The following RGS6 variants were observed in gnomAD, a reference collection of about 807,000 sequenced individuals.
RGS6 encodes the protein regulator of G protein signaling 6, also known as regulator of G-protein signaling 6.
Under a neutral mutation model 78.5 loss-of-function variants are expected in RGS6, and 30 were observed. That is an observed-to-expected ratio of 0.38 (90% CI 0.29 to 0.52). The LOEUF (loss-of-function observed/expected upper bound fraction) is 0.52. Ranked by LOEUF, RGS6 falls within the 20% of genes least tolerant of loss-of-function variation. The pLI is 0.85. For synonymous variants in RGS6, 206 were observed against 206.0 expected (o/e 1.00, Z 0.00); for missense variants, 495 against 609.7 (o/e 0.81, Z 1.98).
intron 15 of RGS6, among the ~76,000 whole-genome samples, chr14:72,528,217 T>C (rs1339456503): frequency 1.3e-5 from 2 of 152,228 alleles, no homozygotes; most frequent in Non-Finnish European, 2.9e-5. Context: ...ATATTGATTT[T>C]CAGCAGGTGT....
At chr14:72,331,590 C>T (rs1325085480) in intron 2 of RGS6, among the ~76,000 whole-genome samples, 1 of 152,230 alleles carries the variant, frequency 6.6e-6, no homozygotes, top group East Asian at 1.9e-4. Context: ...AGTTCCATAG[C>T]CCGTGGGTAC....
intron 2 of RGS6, among the ~76,000 whole-genome samples, chr14:72,042,395 C>T (rs1026958859): frequency 1.3e-5 from 2 of 152,094 alleles, no homozygotes; most frequent in African/African-American, 2.4e-5. Flanking sequence ...TCACAAAGTG[C>T]TGGGATTATG....
At chr14:71,980,275 T>G (rs1313378681) in intron 2 of RGS6, among the ~76,000 whole-genome samples, 19 of 109,558 alleles carry the variant, frequency 1.7e-4, no homozygotes, top group Non-Finnish European at 3.0e-4. Context: ...AAAGTTAATA[T>G]TGTTATGTGT....
At chr14:72,168,656 A>G (rs925631957) in intron 2 of RGS6, among the ~76,000 whole-genome samples, 9 of 152,226 alleles carry the variant, frequency 5.9e-5, no homozygotes, top group African/African-American at 2.2e-4. Flanking sequence ...TTTCTAATAT[A>G]GCTACTAACA....
intron 2 of RGS6, among the ~76,000 whole-genome samples, chr14:72,313,028 A>G (rs2069041090): frequency 6.6e-6 from 1 of 152,196 alleles, no homozygotes. Flanking sequence ...TGCAGTGGGA[A>G]TGACCTTGGA....
chr14:72,331,859 C>T (rs989791014), intron 2 of RGS6, among the ~76,000 whole-genome samples: 5 of 152,164 alleles, frequency 3.3e-5, no homozygotes, highest in African/African-American at 1.2e-4. Flanking sequence ...GCTTCTTTTA[C>T]AGTTCATGTC....
chr14:72,461,638 G>A (rs981678235), intron 6 of RGS6, among the ~76,000 whole-genome samples: 1 of 152,114 alleles, frequency 6.6e-6, no homozygotes, highest in African/African-American at 2.4e-5. Context: ...GCTGCAGTGA[G>A]CTATGATTGT....
chr14:71,897,005 G>C, the RGS6 span, among the ~76,000 whole-genome samples: 1 of 152,146 alleles, frequency 6.6e-6, no homozygotes, highest in Non-Finnish European at 1.5e-5. Flanking sequence ...CTCAGCACCT[G>C]TTCTTCTCCC....
intron 1 of RGS6, among the ~76,000 whole-genome samples, chr14:71,954,619 G>C (rs1595160454): frequency 6.6e-6 from 1 of 152,080 alleles, no homozygotes; most frequent in Non-Finnish European, 1.5e-5. Flanking sequence ...ATGTACAATT[G>C]AGTTGTTGTT....
At chr14:72,055,555 A>G (rs528867958) in intron 2 of RGS6, among the ~76,000 whole-genome samples, 39 of 152,160 alleles carry the variant, frequency 2.6e-4, no homozygotes, top group Non-Finnish European at 4.0e-4. Context: ...GCCTCTGCAC[A>G]GTGGAATCCC....
At chr14:72,149,771 G>T (rs1445441200) in intron 2 of RGS6, among the ~76,000 whole-genome samples, 1 of 152,064 alleles carries the variant, frequency 6.6e-6, no homozygotes, top group African/African-American at 2.4e-5. Flanking sequence ...TACAGATTTG[G>T]GGTCATATAT....
intron 2 of RGS6, among the ~76,000 whole-genome samples, chr14:72,056,183 C>A (rs931204375): frequency 4.6e-5 from 7 of 152,140 alleles, no homozygotes; most frequent in Non-Finnish European, 8.8e-5. Flanking sequence ...TTCTCATTTA[C>A]AGATGGGGGG....
Position 72,498,452 on chromosome 14 carries a change from C to T in RGS6, c.965+3190C>T, listed in dbSNP as rs77364799. Among the ~76,000 whole-genome samples, 975 of 152,306 alleles carry T rather than the reference C, an allele frequency of 6.4e-3. 13 individuals carry two copies. The highest frequency in any genetic ancestry group is 0.021 in the South Asian group (100 of 4,824). ...GGTCTTAGCTTTCAATCCTGCCATA[C>T]ATTAGAACCACCTGGAAGTTTCTAA... is the stretch of plus-strand genomic sequence containing the variant. On this transcript the variant is annotated intron_variant, in intron 13 of 17. Transcript: ENST00000553525.
In RGS6 at chr14:71,980,556, A is replaced by G. The variant is rs1336555648; in HGVS notation, c.84+15681A>G. On this transcript the variant is annotated intron_variant, in intron 2 of 17. Transcript: ENST00000553525. ...GGCTGGATATGAAATTCTGGATTGA[A>G]AATTCTTTTCTTTAAGAATGTTGAA... is the stretch of plus-strand genomic sequence containing the variant. 3.4e-4 allele frequency among the ~76,000 whole-genome samples: 21 copies of G among 62,164 alleles called. 6 individuals carry two copies. The highest frequency in any genetic ancestry group is 1.3e-3 in the African/African-American group (20 of 14,988). The allele number at this position is 62,164 out of a possible 152,430, so 40.8% of individuals were successfully genotyped here. A position where few individuals can be genotyped will look rare whatever the true frequency, so the allele number is the denominator to read the frequency against.
At chr14:72,123,949 C>T (rs1315405847) in intron 2 of RGS6, among the ~76,000 whole-genome samples, 1 of 152,150 alleles carries the variant, frequency 6.6e-6, no homozygotes, top group Non-Finnish European at 1.5e-5. Context: ...AGCATGATGA[C>T]TTTCAGTAAT....
chr14:72,541,194 T>C, intron 17 of RGS6: 2 of 1,395,352 alleles, frequency 1.4e-6, no homozygotes, highest in Admixed American at 2.0e-5. Context: ...GTTCCACCTC[T>C]GTTGAGGAGG....
chr14:72,207,336 T>C (rs1020024265), intron 2 of RGS6, among the ~76,000 whole-genome samples: 3 of 152,232 alleles, frequency 2.0e-5, no homozygotes, highest in East Asian at 3.8e-4. Context: ...TTCAATGTTA[T>C]GGTTTTTAGG....
the RGS6 span, among the ~76,000 whole-genome samples, chr14:71,915,304 C>T: frequency 6.6e-6 from 1 of 151,862 alleles, no homozygotes; most frequent in Non-Finnish European, 1.5e-5. Flanking sequence ...AAGTAGAGAA[C>T]AGAAAGTTGT....
At chr14:72,562,269 A>C in intron 17 of RGS6, 148 bp from the exon 18 acceptor site, 155 of 740,596 alleles carry the variant, frequency 2.1e-4, no homozygotes, top group Non-Finnish European at 2.8e-4. Context: ...CCATACACCT[A>C]GAGATCAAAT....
Sources: allele counts gnomAD v4.1 joint callset (sites outside exome capture counted in the v4.1 genomes callset), GRCh38; gene constraint gnomAD v4.1.1; transcripts MANE v1.5; gene names NCBI Gene and HGNC (gene_info 2026-07-23, HGNC 2026-07-21).